The following MDN1 variants were observed in gnomAD, a reference collection of about 807,000 sequenced individuals.
MDN1 encodes midasin AAA ATPase 1.
A neutral mutation model predicts 669.2 loss-of-function variants in MDN1; 266 were observed. The observed-to-expected ratio is 0.40, with a 90% CI of 0.36 to 0.44. MDN1 has a LOEUF of 0.44. Among genes scored for constraint, MDN1 ranks in the 20% least tolerant of loss-of-function variants. The pLI, the probability that MDN1 is intolerant of heterozygous loss-of-function variation, is 1.00. For missense variants in MDN1, 5,940 were observed against 6,754.0 expected, an observed-to-expected ratio of 0.88 and a Z score of 4.22; for synonymous variants, 2,385 against 2,457.1, an observed-to-expected ratio of 0.97 and a Z score of 0.87.
At position 89,662,150 on chromosome 6, in the gene MDN1, C is replaced by A. The variant is rs553142403; in HGVS notation, c.14502G>T (p.Lys4834Asn). The A allele has an allele frequency of 6.2e-7, 1 of 1,614,038 alleles. No individual in the cohort carries two copies. The highest frequency in any genetic ancestry group is 1.1e-5 in the South Asian group (1 of 91,040). ...DKSQQDKKEE[K>N]EEAEADDGGQ... The stretch of plus-strand genomic sequence containing the variant: ...CACCATCATCAGCTTCTGCTTCTTC[C>A]TTTTCTTCCTTCTTATCTTGCTGGC... Residue 4834 changes from lysine (K) to asparagine (N), a missense_variant, in exon 87 of 102, where the codon AAG (lysine) becomes AAT (asparagine). Lys to Asn is a moderately conservative substitution (Grantham distance 94). This residue lies in a region of MDN1 where 2,280 missense variants were observed against 2,576.3 expected (regional missense o/e 0.88). Coordinates refer to ENST00000369393, the MANE Select transcript of MDN1 (RefSeq NM_014611.3).
At chr6:89,700,458 C>T (rs892472831) in intron 56 of MDN1, among the ~76,000 whole-genome samples, 164 bp from the exon 57 acceptor site, 8 of 152,138 alleles carry the variant, frequency 5.3e-5, no homozygotes, top group African/African-American at 1.9e-4. Flanking sequence ...TATTAATACC[C>T]ACATGATTCT....
intron 20 of MDN1, 54 bp downstream of exon 20, chr6:89,756,223 C>T: frequency 1.2e-6 from 1 of 815,980 alleles, no homozygotes; most frequent in South Asian, 2.1e-5. Flanking sequence ...GCACGAGTAG[C>T]ACATTTTCAT....
chr6:89,792,115 G>C (rs533301485), intron 5 of MDN1, among the ~76,000 whole-genome samples: 1 of 151,838 alleles, frequency 6.6e-6, no homozygotes, highest in Non-Finnish European at 1.5e-5. Flanking sequence ...TGATCTGCCC[G>C]CCTCGGCCTC....
chr6:89,678,541 A>G (rs576509369), intron 75 of MDN1, 58 bp downstream of exon 75: 2 of 1,576,570 alleles, frequency 1.3e-6, no homozygotes, highest in African/African-American at 2.7e-5. Flanking sequence ...CAGTCATGTC[A>G]TTTCTCTCCC....
chr6:89,664,178 T>C (rs532429045), intron 85 of MDN1, among the ~76,000 whole-genome samples: 53 of 152,150 alleles, frequency 3.5e-4, no homozygotes, highest in South Asian at 6.2e-4. Context: ...ACAGAACAAT[T>C]TGCCTTTTGT....
chr6:89,694,013 T>C, intron 62 of MDN1, 61 bp downstream of exon 62: 4 of 1,337,198 alleles, frequency 3.0e-6, no homozygotes, highest in Non-Finnish European at 4.3e-6. Context: ...ACACCATAAC[T>C]ACATTACATC....
At chr6:89,782,454 G>A (rs552198944) in intron 9 of MDN1, among the ~76,000 whole-genome samples, 1 of 152,030 alleles carries the variant, frequency 6.6e-6, no homozygotes, top group South Asian at 2.1e-4. Flanking sequence ...TGGGCAGGGT[G>A]GCACACACCT....
rs1255589132 is a variant in MDN1, at chr6:89,813,117, T to C, written c.102+6389A>G. 2.0e-5 allele frequency among the ~76,000 whole-genome samples: 3 copies of C among 152,188 alleles called. No individual in the cohort carries two copies. The East Asian group carries it at 5.8e-4, about 29-fold the overall frequency. On this transcript the variant is annotated intron_variant, in intron 1 of 101. Coordinates refer to ENST00000369393, the MANE Select transcript of MDN1 (RefSeq NM_014611.3). Reference sequence around the variant, plus strand: ...CACCACGCCCGGCTAATTTCGTATCTTTAGTAGAGAAGGGGTTTCTCCATG... The same window carrying C: ...CACCACGCCCGGCTAATTTCGTATCCTTAGTAGAGAAGGGGTTTCTCCATG...
intron 1 of MDN1, among the ~76,000 whole-genome samples, chr6:89,811,730 C>T (rs2128331742): frequency 6.6e-6 from 1 of 152,170 alleles, no homozygotes; most frequent in South Asian, 2.1e-4. Context: ...AGGTGTGAGC[C>T]ACCGCAACCA....
intron 60 of MDN1, among the ~76,000 whole-genome samples, 156 bp from the exon 61 acceptor site, chr6:89,696,148 T>C (rs1375660865): frequency 1.3e-5 from 2 of 152,230 alleles, no homozygotes; most frequent in Non-Finnish European, 2.9e-5. Context: ...TTTGGTTTAC[T>C]AAGTTCACCC....
Position 89,672,193 on chromosome 6 carries a change from T to C in MDN1, c.13794+7A>G, listed in dbSNP as rs775821666. 2.5e-6 allele frequency: 4 copies of C among 1,571,038 alleles called. No homozygotes were observed. Among genetic ancestry groups the C allele is most frequent in the Non-Finnish European group, 3.4e-6 (4 of 1,165,288 alleles). On this transcript the variant is annotated splice_region_variant and intron_variant, in intron 82 of 101. Transcript: ENST00000369393. ...GAGGAAGAAGTTTGTAAAGAACAGT[T>C]AGTTACCAGGTGCTTTGCTGCTGTG... is the stretch of plus-strand genomic sequence containing the variant.
At chr6:89,652,154 G>A (rs768432457) in intron 95 of MDN1, 38 bp downstream of exon 95, 18 of 1,550,532 alleles carry the variant, frequency 1.2e-5, no homozygotes, top group Middle Eastern at 1.7e-4. Context: ...AAAAAAAGTC[G>A]AGATATTTTA....
Position 89,751,861 on chromosome 6 carries a change from T to C in MDN1, c.3076-279A>G, listed in dbSNP as rs375275354. 4.6e-4 allele frequency among the ~76,000 whole-genome samples: 70 copies of C among 152,298 alleles called. No homozygotes were observed. In the South Asian group the frequency reaches 0.014, roughly 30 times the overall value. ...TGTACCAGTTCTCTTCTCTCACATA[T>C]CAAAATGCCCACTCCAATTATTTTT... is the stretch of plus-strand genomic sequence containing the variant. On this transcript the variant is annotated intron_variant, in intron 22 of 101. Coordinates refer to ENST00000369393, the MANE Select transcript of MDN1 (RefSeq NM_014611.3).
chr6:89,715,162 A>C (rs1814263660), intron 45 of MDN1, among the ~76,000 whole-genome samples: 1 of 152,194 alleles, frequency 6.6e-6, no homozygotes, highest in South Asian at 2.1e-4. Flanking sequence ...GTCTGAAAGT[A>C]AACAGCTGAT....
Position 89,688,624 on chromosome 6 carries a change from C to A in MDN1, c.11208G>T (p.Glu3736Asp), listed in dbSNP as rs754776073. Residue 3736 changes from glutamate to aspartate, a missense_variant, in exon 66 of 102, where the codon GAG becomes GAT. Physicochemically the swap from Glu to Asp is conservative, Grantham distance 45. This residue lies in a region of MDN1 where 2,280 missense variants were observed against 2,576.3 expected (regional missense o/e 0.88). Transcript: ENST00000369393. ...QCQPVLQGFS[E>D]AVSHLLQDWP... is the part of the protein sequence containing the mutation. ...AGTCCTGTAGCAAGTGACTGACAGC[C>A]TCTGAGAAACCTTGAAGCACAGGTT... 9 of 1,614,056 alleles carry A rather than the reference C, an allele frequency of 5.6e-6. No individual in the cohort carries two copies. Among genetic ancestry groups the A allele is most frequent in the African/African-American group, 2.7e-5 (2 of 74,908 alleles).
intron 73 of MDN1, among the ~76,000 whole-genome samples, chr6:89,682,850 C>T (rs972288118): frequency 4.8e-5 from 7 of 145,822 alleles, no homozygotes; most frequent in Non-Finnish European, 8.9e-5. Flanking sequence ...AGGAGGTTGA[C>T]GTGGAAGGAT....
At chr6:89,656,554 T>C in intron 91 of MDN1, 146 bp downstream of exon 91, 1 of 673,544 alleles carries the variant, frequency 1.5e-6, no homozygotes, top group South Asian at 2.0e-5. Context: ...CGTGGTCTGC[T>C]CACCAAGGCT....
intron 78 of MDN1, 143 bp from the exon 79 acceptor site, chr6:89,674,732 A>G (rs1382223650): frequency 1.7e-6 from 2 of 1,190,128 alleles, no homozygotes; most frequent in African/African-American, 3.1e-5. Context: ...AGATAGGTAA[A>G]AAGTCTGTTA....
At chr6:89,702,825 G>A (rs1300242570) in intron 53 of MDN1, among the ~76,000 whole-genome samples, 1 of 151,912 alleles carries the variant, frequency 6.6e-6, no homozygotes, top group Non-Finnish European at 1.5e-5. Context: ...TATTTAGATT[G>A]TAAAGATCTT....
Sources: allele counts gnomAD v4.1 joint callset (sites outside exome capture counted in the v4.1 genomes callset), GRCh38; gene constraint gnomAD v4.1.1; regional missense constraint gnomAD v4.1.1; transcripts MANE v1.5; gene names NCBI Gene and HGNC (gene_info 2026-07-23, HGNC 2026-07-21).